SNTA1: variants seen among roughly 807,000 people sequenced by gnomAD.
The protein encoded by SNTA1 is syntrophin alpha 1.
A neutral mutation model predicts 47.1 loss-of-function variants in SNTA1; 31 were observed. That is an observed-to-expected ratio of 0.66 (90% CI 0.49 to 0.89). The LOEUF (loss-of-function observed/expected upper bound fraction) is 0.89. Ranked by LOEUF, SNTA1 falls within the 40% of genes least tolerant of loss-of-function variation. The pLI, the probability that SNTA1 is intolerant of heterozygous loss-of-function variation, is 0.00. For missense variants in SNTA1, 575 were observed against 693.0 expected (o/e 0.83, Z 1.91); for synonymous variants, 300 against 313.6 (o/e 0.96, Z 0.46).
chr20:33,442,714 C>T (rs550992440), intron 1 of SNTA1, among the ~76,000 whole-genome samples: 4 of 152,220 alleles, frequency 2.6e-5, no homozygotes, highest in African/African-American at 9.6e-5. Flanking sequence ...GCTGAAAGCT[C>T]TATCCTGTGC....
At chr20:33,436,100 G>A (rs1207206908) in intron 2 of SNTA1, among the ~76,000 whole-genome samples, 1 of 152,008 alleles carries the variant, frequency 6.6e-6, no homozygotes, top group Non-Finnish European at 1.5e-5. Flanking sequence ...AGGCTGAGCA[G>A]GAGAATGGCG....
intron 1 of SNTA1, among the ~76,000 whole-genome samples, chr20:33,440,027 A>G (rs1990541062): frequency 6.6e-6 from 1 of 152,192 alleles, no homozygotes; most frequent in Non-Finnish European, 1.5e-5. Flanking sequence ...CGGGAGGCTG[A>G]GGCAGGAGAA....
intron 1 of SNTA1, among the ~76,000 whole-genome samples, chr20:33,441,998 A>G (rs1476804198): frequency 6.6e-6 from 1 of 152,152 alleles, no homozygotes; most frequent in Non-Finnish European, 1.5e-5. Context: ...GGAAAGAATC[A>G]ACTTCCCTGA....
At position 33,412,403 on chromosome 20, in the gene SNTA1, G is replaced by C; in HGVS notation, c.933C>G (p.Pro311=). The change falls in exon 5 of 8, where the codon CCC becomes CCG. Residue 311 remains proline (P), a synonymous_variant. Transcript: ENST00000217381. ...CCTTTTCAGTTAGCAGGGCCAGGGT[G>C]GGGGCTGTGCCCCCACTGGGCAGCT... is the stretch of plus-strand genomic sequence containing the variant. ...TEQLPSGGTA[P]TLALLTEKEL... 1 of 1,611,070 alleles carries C rather than the reference G, an allele frequency of 6.2e-7. No homozygotes were observed. The highest frequency in any genetic ancestry group is 1.1e-5 in the South Asian group (1 of 90,506).
Position 33,414,695 on chromosome 20 carries a change from T to C in SNTA1, c.702-1913A>G, listed in dbSNP as rs114084597. On this transcript the variant is annotated intron_variant, in intron 3 of 7. Transcript: ENST00000217381. The stretch of plus-strand genomic sequence containing the variant: ...CAAAATACTAGCAGAAAAGACTCTT[T>C]GGCTTTTGTCTTATTTCTGCCTGGA... Among the ~76,000 whole-genome samples the C allele has an allele frequency of 8.3e-3, 1,270 of 152,332 alleles. 24 individuals carry two copies. Among genetic ancestry groups the C allele is most frequent in the African/African-American group, 0.029 (1,210 of 41,578 alleles).
At chr20:33,416,938 CAAA>C (rs1161474406) in intron 3 of SNTA1, among the ~76,000 whole-genome samples, 7 of 56,038 alleles carry the variant, frequency 1.2e-4, no homozygotes, top group South Asian at 6.2e-4. Context: ...GAGACTCTGT[CAAA>C]AAAAAAAAAA....
intron 2 of SNTA1, among the ~76,000 whole-genome samples, chr20:33,437,887 G>A (rs1408136599): frequency 6.6e-6 from 1 of 152,266 alleles, no homozygotes; most frequent in African/African-American, 2.4e-5. Flanking sequence ...GGCCCACAGA[G>A]GGCAAGGGTC....
intron 2 of SNTA1, among the ~76,000 whole-genome samples, chr20:33,425,938 T>A (rs1990159258): frequency 6.7e-6 from 1 of 149,798 alleles, no homozygotes; most frequent in Non-Finnish European, 1.5e-5. Flanking sequence ...TAGCCAGGCA[T>A]GGTGGTACAT....
rs534107613 is a variant in SNTA1 at position 33,442,264 on chromosome 20, C to T, written c.310+1047G>A. ...CACCGCCTCAGCCAAGCCAAACGGT[C>T]TGGAGGCACTAGTCAACAGAACCAG... is the stretch of plus-strand genomic sequence containing the variant. On this transcript the variant is annotated intron_variant, in intron 1 of 7. Transcript: ENST00000217381. 2.6e-5 allele frequency among the ~76,000 whole-genome samples: 4 copies of T among 152,270 alleles called. No homozygotes were observed. The East Asian group carries it at 7.7e-4, about 29-fold the overall frequency.
chr20:33,423,985 G>T lies in SNTA1; in HGVS notation c.497-6062C>A, dbSNP rs191007787. Among the ~76,000 whole-genome samples, 31 of 152,146 alleles carry T rather than the reference G, an allele frequency of 2.0e-4. No homozygotes were observed. The East Asian group carries it at 5.8e-3, about 28-fold the overall frequency. ...GTTCCCGGAGAGCAGGGGCTGCCCT[G>T]TTTTCCAGTTCACTAGGGTATCCTC... On this transcript the variant is annotated intron_variant, in intron 2 of 7. Coordinates refer to ENST00000217381, the MANE Select transcript of SNTA1 (RefSeq NM_003098.3).
At chr20:33,410,934 CAG>C (rs1163866485) in intron 5 of SNTA1, among the ~76,000 whole-genome samples, 1 of 152,116 alleles carries the variant, frequency 6.6e-6, no homozygotes, top group Non-Finnish European at 1.5e-5. Context: ...CTTGATTAGG[CAG>C]ACAGTCCAGG....
At chr20:33,413,706 T>C (rs892879336) in intron 3 of SNTA1, among the ~76,000 whole-genome samples, 1 of 150,696 alleles carries the variant, frequency 6.6e-6, no homozygotes, top group Non-Finnish European at 1.5e-5. Context: ...GCCAGGACGA[T>C]GGCTTGAGCC....
chr20:33,421,621 A>G (rs961350198), intron 2 of SNTA1, among the ~76,000 whole-genome samples: 1 of 151,394 alleles, frequency 6.6e-6, no homozygotes, highest in Non-Finnish European at 1.5e-5. Context: ...TCAAAAAAAT[A>G]ATAATAAAAA....
chr20:33,425,513 T>A (rs1421717581), intron 2 of SNTA1, among the ~76,000 whole-genome samples: 1 of 151,848 alleles, frequency 6.6e-6, no homozygotes, highest in Non-Finnish European at 1.5e-5. Context: ...ATACAAAAAA[T>A]TAGCCAGGTG....
In SNTA1 at chr20:33,443,629, C is replaced by A; in HGVS notation, c.-9G>T. ...CGCCTGCCGGACGCCATCTTCGCCT[C>A]CGAGCCCCCGGGCCGCCGCGCTCGC... On this transcript the variant is annotated 5_prime_UTR_variant, in exon 1 of 8. Coordinates refer to ENST00000217381, the MANE Select transcript of SNTA1 (RefSeq NM_003098.3). The A allele has an allele frequency of 8.3e-7, 1 of 1,210,254 alleles. No homozygotes were observed. The highest frequency in any genetic ancestry group is 4.0e-5 in the Admixed American group (1 of 25,056). 75.0% of individuals were successfully genotyped at this position (1,210,254 alleles called of 1,614,324 possible). A position where few individuals can be genotyped will look rare whatever the true frequency, so the allele number is the denominator to read the frequency against.
intron 3 of SNTA1, among the ~76,000 whole-genome samples, chr20:33,417,387 A>T (rs189593173): frequency 6.6e-6 from 1 of 152,318 alleles, no homozygotes; most frequent in Admixed American, 6.5e-5. Context: ...CGAGAGGATC[A>T]GTGAGTCCAA....
At chr20:33,423,573 A>G (rs1045379418) in intron 2 of SNTA1, among the ~76,000 whole-genome samples, 6 of 152,164 alleles carry the variant, frequency 3.9e-5, no homozygotes, top group Non-Finnish European at 7.3e-5. Flanking sequence ...AGAGGCCCCA[A>G]TTTCCAGGGA....
intron 2 of SNTA1, among the ~76,000 whole-genome samples, chr20:33,427,449 C>A (rs748331219): frequency 1.3e-5 from 2 of 152,118 alleles, no homozygotes; most frequent in Non-Finnish European, 2.9e-5. Context: ...GAAGGGATGA[C>A]CTTTAAGGTC....
intron 2 of SNTA1, among the ~76,000 whole-genome samples, chr20:33,423,833 T>C (rs1990092164): frequency 6.6e-6 from 1 of 152,208 alleles, no homozygotes; most frequent in Admixed American, 6.5e-5. Context: ...AAGGGAAGCC[T>C]GTCCTCTAAG....
Sources: allele counts gnomAD v4.1 joint callset (sites outside exome capture counted in the v4.1 genomes callset), GRCh38; gene constraint gnomAD v4.1.1; transcripts MANE v1.5; gene names NCBI Gene and HGNC (gene_info 2026-07-23, HGNC 2026-07-21).